Variants in MGAM2 observed in about 807,000 individuals in gnomAD.
MGAM2 encodes the protein probable maltase-glucoamylase 2.
In MGAM2, 98 loss-of-function variants were observed where a neutral mutation model predicts 96.1. The ratio of observed to expected loss-of-function variants is 1.02; its 90% CI spans 0.87 to 1.21. The LOEUF (loss-of-function observed/expected upper bound fraction) is 1.21, where lower values mean the gene tolerates loss of function less well. MGAM2 is among the 50% of genes most tolerant of loss of function. The pLI, the probability that MGAM2 is intolerant of heterozygous loss-of-function variation, is 0.00. For missense variants in MGAM2, 2,055 were observed against 1,182.4 expected (o/e 1.74, Z -10.82); for synonymous variants, 749 against 414.8 (o/e 1.81, Z -9.79).
chr7:142,141,181 GA>G (rs1795218487), intron 12 of MGAM2, 62 bp downstream of exon 12: 1 of 672,532 alleles, frequency 1.5e-6, no homozygotes. Flanking sequence ...CTTTTGGTAC[GA>G]AGATGAGTGA....
intron 15 of MGAM2, among the ~76,000 whole-genome samples, chr7:142,149,735 G>A (rs918030572): frequency 2.6e-5 from 4 of 151,752 alleles, no homozygotes; most frequent in African/African-American, 7.3e-5. Flanking sequence ...TAGAGACGGG[G>A]TTTCACAGCG....
At chr7:142,197,043 A>G (rs1052461305) in intron 40 of MGAM2, among the ~76,000 whole-genome samples, 8 of 152,214 alleles carry the variant, frequency 5.3e-5, no homozygotes, top group African/African-American at 1.9e-4. Flanking sequence ...AAAGGTTTTT[A>G]TAGTTCCACA....
chr7:142,142,657 C>T (rs1795267736), intron 12 of MGAM2, among the ~76,000 whole-genome samples: 1 of 149,822 alleles, frequency 6.7e-6, no homozygotes, highest in African/African-American at 2.5e-5. Flanking sequence ...TCAAGCGATT[C>T]TCCTGCCTTA....
In MGAM2 at chr7:142,206,615, A is replaced by C. The variant is rs139981458; in HGVS notation, c.5138-1958A>C. Among the ~76,000 whole-genome samples, 27 of 152,304 alleles carry C rather than the reference A, an allele frequency of 1.8e-4. No individual in the cohort carries two copies. In the East Asian group the frequency reaches 5.0e-3, roughly 28 times the overall value. On this transcript the variant is annotated intron_variant, in intron 45 of 47. Transcript: ENST00000477922. Reference sequence around the variant, plus strand: ...TATGAGCAATATGTTTCAAAAATTTAAAGGAATAAAGCCATTTCCTACAAG... The same window carrying C: ...TATGAGCAATATGTTTCAAAAATTTCAAGGAATAAAGCCATTTCCTACAAG...
intron 43 of MGAM2, 104 bp from the exon 44 acceptor site, chr7:142,198,511 A>G: frequency 1.6e-6 from 1 of 607,796 alleles, no homozygotes; most frequent in Non-Finnish European, 3.0e-6. Context: ...TCTTTTGCTG[A>G]CTTTCTAACA....
intron 37 of MGAM2, among the ~76,000 whole-genome samples, chr7:142,195,499 G>A (rs1212447171): frequency 6.7e-6 from 1 of 149,404 alleles, no homozygotes; most frequent in Admixed American, 6.8e-5. Flanking sequence ...TGGGATTAGA[G>A]GTATGCACAC....
chr7:142,161,716 G>A (rs577219444), intron 22 of MGAM2, among the ~76,000 whole-genome samples: 48 of 152,290 alleles, frequency 3.2e-4, no homozygotes, highest in Middle Eastern at 3.4e-3. Flanking sequence ...TGCACACATA[G>A]ATAAATACAA....
rs1361917291 is a variant in MGAM2, at chr7:142,134,145, C to G, written c.740C>G (p.Pro247Arg). 6.7e-6 allele frequency: 5 copies of G among 743,456 alleles called. No homozygotes were observed. The highest frequency in any genetic ancestry group is 1.7e-5 in the African/African-American group (1 of 58,676). The allele number at this position is 743,456 out of a possible 1,614,324, so 46.1% of individuals were successfully genotyped here. A position where few individuals can be genotyped will look rare whatever the true frequency, so the allele number is the denominator to read the frequency against. ...TWPIFTRDAT[P>R]TEGMINLYGA... is the part of the protein sequence containing the mutation. ...CCCATCTTCACCCGGGACGCTACCC[C>G]CACCGAGGTGAGGTGGCTTTCCTCC... is the stretch of plus-strand genomic sequence containing the variant. Residue 247 changes from proline to arginine, a missense_variant, in exon 7 of 48, where the codon CCC (proline) becomes CGC (arginine). By Grantham distance (103) the Pro-to-Arg change is moderately radical (BLOSUM62 -2). Transcript: ENST00000477922.
At chr7:142,114,216 G>GAAAGAAAGAGAA (rs1554499599) in intron 1 of MGAM2, among the ~76,000 whole-genome samples, 2 of 68,038 alleles carry the variant, frequency 2.9e-5, no homozygotes, top group Admixed American at 1.6e-4. Flanking sequence ...GAAAGAAAGA[G>GAAAGAAAGAGAA]AGAAAGAAAG....
intron 3 of MGAM2, among the ~76,000 whole-genome samples, chr7:142,130,274 T>C (rs1204773342): frequency 6.6e-6 from 1 of 152,230 alleles, no homozygotes; most frequent in African/African-American, 2.4e-5. Context: ...AGCTTCACTT[T>C]GCTTACTTTT....
At chr7:142,185,726 C>T (rs1211274908) in intron 34 of MGAM2, among the ~76,000 whole-genome samples, 1 of 151,836 alleles carries the variant, frequency 6.6e-6, no homozygotes, top group East Asian at 1.9e-4. Flanking sequence ...GTTAATTTTC[C>T]AGTCTTGTGA....
At chr7:142,155,777 C>T (rs565082877) in intron 17 of MGAM2, among the ~76,000 whole-genome samples, 3 of 152,272 alleles carry the variant, frequency 2.0e-5, no homozygotes, top group East Asian at 1.9e-4. Flanking sequence ...GGTTTAAGCA[C>T]GTATGTCCTT....
At chr7:142,167,806 A>C (rs1204486882) in intron 26 of MGAM2, among the ~76,000 whole-genome samples, 1 of 151,948 alleles carries the variant, frequency 6.6e-6, no homozygotes, top group Non-Finnish European at 1.5e-5. Flanking sequence ...GTCTAACCTC[A>C]AGCAATCCAC....
chr7:142,183,950 C>CTTTTTTTTTTTTTTT lies in MGAM2; in HGVS notation c.3924+603_3924+617dup, dbSNP rs748299647. On this transcript the variant is annotated intron_variant, in intron 33 of 47. Transcript: ENST00000477922. ...ACTGCTCTGGATGTATTCCAGGCTC[C>CTTTTTTTTTTTTTTT]TTTTTTTTTTTTTTTTTTTTTTTTT... 8.7e-5 allele frequency among the ~76,000 whole-genome samples: 4 copies of CTTTTTTTTTTTTTTT among 46,112 alleles called. 2 individuals are homozygous for CTTTTTTTTTTTTTTT. The highest frequency in any genetic ancestry group is 2.0e-4 in the Non-Finnish European group (4 of 20,368). The allele number at this position is 46,112 out of a possible 152,430, so 30.3% of individuals were successfully genotyped here.
At chr7:142,187,649 G>A (rs1282478032) in intron 35 of MGAM2, 101 bp from the exon 36 acceptor site, 9 of 633,048 alleles carry the variant, frequency 1.4e-5, no homozygotes, top group Non-Finnish European at 2.3e-5. Context: ...CACCAGCTGA[G>A]CTGAGGGCTT....
intron 1 of MGAM2, among the ~76,000 whole-genome samples, chr7:142,115,634 T>C (rs1817363804): frequency 6.6e-6 from 1 of 152,036 alleles, no homozygotes; most frequent in South Asian, 2.1e-4. Context: ...TCAGCTGAGA[T>C]CAGGAGTTCG....
chr7:142,183,436 C>T (rs1189143696), intron 33 of MGAM2, 63 bp downstream of exon 33: 9 of 680,128 alleles, frequency 1.3e-5, no homozygotes, highest in South Asian at 1.3e-4. Flanking sequence ...TAAAACAGCT[C>T]TCAATACACA....
chr7:142,170,970 T>A (rs1034890903), intron 27 of MGAM2, among the ~76,000 whole-genome samples: 6 of 152,200 alleles, frequency 3.9e-5, no homozygotes, highest in Non-Finnish European at 8.8e-5. Context: ...ATATATTTAC[T>A]CAAGCTGATA....
chr7:142,135,633 G>T (rs539796468), intron 7 of MGAM2, among the ~76,000 whole-genome samples: 2 of 151,272 alleles, frequency 1.3e-5, no homozygotes, highest in East Asian at 3.9e-4. Flanking sequence ...TTATGCTTTG[G>T]CTAAGATGAT....
Sources: allele counts gnomAD v4.1 joint callset (sites outside exome capture counted in the v4.1 genomes callset), GRCh38; gene constraint gnomAD v4.1.1; transcripts MANE v1.5; gene names NCBI Gene and HGNC (gene_info 2026-07-23, HGNC 2026-07-21).